Variants in PHF24 observed in about 807,000 individuals in gnomAD.
PHF24 encodes the protein Galpha inhibitory interacting protein.
Under a neutral mutation model 42.6 loss-of-function variants are expected in PHF24, and 25 were observed. That is an observed-to-expected ratio of 0.59 (90% CI 0.43 to 0.82). The LOEUF is 0.82. PHF24 is among the 40% of genes least tolerant of loss of function. The pLI is 0.00. For synonymous variants in PHF24, 185 were observed against 204.8 expected (o/e 0.90, Z 0.83); for missense variants, 470 against 538.1 (o/e 0.87, Z 1.25).
At chr9:34,671,036 C>T in the PHF24 span, among the ~76,000 whole-genome samples, 18 of 152,222 alleles carry the variant, frequency 1.2e-4, no homozygotes, top group Admixed American at 2.0e-4. Context: ...TCTCTCATCT[C>T]TGGACTCTAG....
the PHF24 span, among the ~76,000 whole-genome samples, chr9:34,743,011 C>G: frequency 6.6e-6 from 1 of 152,152 alleles, no homozygotes; most frequent in South Asian, 2.1e-4. Flanking sequence ...GCCTGCCAGT[C>G]TAAAATATTT....
chr9:34,848,977 A>C, the PHF24 span, among the ~76,000 whole-genome samples: 2 of 151,880 alleles, frequency 1.3e-5, no homozygotes, highest in Non-Finnish European at 2.9e-5. Flanking sequence ...AGTTTGTTAT[A>C]ATTTCTGTTC....
At chr9:34,747,225 G>C in the PHF24 span, among the ~76,000 whole-genome samples, 2 of 152,042 alleles carry the variant, frequency 1.3e-5, no homozygotes, top group African/African-American at 4.8e-5. Context: ...GACCAGCCTG[G>C]GCAACACAGC....
the PHF24 span, among the ~76,000 whole-genome samples, chr9:34,707,250 G>C: frequency 6.6e-6 from 1 of 152,194 alleles, no homozygotes; most frequent in Non-Finnish European, 1.5e-5. Flanking sequence ...TCTAGGACTT[G>C]AAGAGATATA....
chr9:34,729,487 G>A, the PHF24 span: 43 of 1,500,298 alleles, frequency 2.9e-5, no homozygotes, highest in Non-Finnish European at 6.3e-6. Flanking sequence ...CAGGGTTCTG[G>A]TGCCTAATGA....
the PHF24 span, among the ~76,000 whole-genome samples, chr9:34,941,558 G>A: frequency 1.9e-3 from 291 of 152,268 alleles, no homozygotes; most frequent in Middle Eastern, 3.4e-3. Context: ...AGTCTGTTCA[G>A]GCTGCTATAG....
the PHF24 span, among the ~76,000 whole-genome samples, chr9:34,865,045 G>C: frequency 6.6e-6 from 1 of 151,408 alleles, no homozygotes; most frequent in Non-Finnish European, 1.5e-5. Context: ...TGGGTGAAGT[G>C]GTGCACGCCT....
the PHF24 span, among the ~76,000 whole-genome samples, chr9:34,918,914 A>G: frequency 0.18 from 27,321 of 152,078 alleles, 2,879 homozygotes; most frequent in East Asian, 0.48. Flanking sequence ...TCAACTTCAG[A>G]ATCATTTTTG....
the PHF24 span, among the ~76,000 whole-genome samples, chr9:34,937,638 T>C: frequency 8.5e-6 from 1 of 117,704 alleles, no homozygotes. Context: ...CACCCAAGAA[T>C]GATCAATTTA....
chr9:34,846,562 T>A, the PHF24 span, among the ~76,000 whole-genome samples: 1 of 152,008 alleles, frequency 6.6e-6, no homozygotes, highest in Non-Finnish European at 1.5e-5. Flanking sequence ...CTGTTCACTC[T>A]GATGGTAGTT....
chr9:34,760,480 T>C, the PHF24 span, among the ~76,000 whole-genome samples: 1 of 152,218 alleles, frequency 6.6e-6, no homozygotes, highest in African/African-American at 2.4e-5. Flanking sequence ...GCAACACTTT[T>C]ACAGGTGAGC....
the PHF24 span, among the ~76,000 whole-genome samples, chr9:34,784,429 G>A: frequency 2.8e-4 from 42 of 152,272 alleles, no homozygotes; most frequent in Non-Finnish European, 4.9e-4. Flanking sequence ...TATCTTGTAA[G>A]GAGTGAAGGA....
At chr9:34,823,592 T>C in the PHF24 span, among the ~76,000 whole-genome samples, 1 of 152,040 alleles carries the variant, frequency 6.6e-6, no homozygotes, top group Admixed American at 6.5e-5. Context: ...CCTGGAGACG[T>C]TGGGGCCTCC....
chr9:34,728,130 G>A, the PHF24 span: 2 of 1,515,118 alleles, frequency 1.3e-6, no homozygotes, highest in Non-Finnish European at 1.8e-6. Flanking sequence ...AATTTCATAG[G>A]CATCCTATAG....
chr9:34,900,762 C>A, the PHF24 span, among the ~76,000 whole-genome samples: 1 of 152,150 alleles, frequency 6.6e-6, no homozygotes, highest in East Asian at 1.9e-4. Context: ...TGTTTTAGAT[C>A]ATGAGAACAG....
chr9:34,705,911 A>G, the PHF24 span, among the ~76,000 whole-genome samples: 1 of 152,214 alleles, frequency 6.6e-6, no homozygotes, highest in African/African-American at 2.4e-5. Context: ...TTTATTTTAA[A>G]AAAAAGTTAT....
At chr9:34,832,423 A>G in the PHF24 span, 1 of 1,307,358 alleles carries the variant, frequency 7.6e-7, no homozygotes, top group South Asian at 1.3e-5. Flanking sequence ...TTGTCTAGGG[A>G]CTGGGGACCA....
At chr9:34,755,974 C>G in the PHF24 span, among the ~76,000 whole-genome samples, 1 of 152,120 alleles carries the variant, frequency 6.6e-6, no homozygotes, top group Non-Finnish European at 1.5e-5. Context: ...GTTGCCTGTG[C>G]TTTTGAGGTC....
the PHF24 span, among the ~76,000 whole-genome samples, chr9:34,800,901 A>C: frequency 6.6e-6 from 1 of 152,150 alleles, no homozygotes; most frequent in African/African-American, 2.4e-5. Flanking sequence ...ATGGGAGAAA[A>C]TGTTTGCAAT....
Sources: gnomAD v4.1 joint callset for allele counts (sites outside exome capture counted in the v4.1 genomes callset) on GRCh38, gnomAD v4.1.1 for gene constraint, MANE v1.5 for transcripts, NCBI Gene and HGNC (gene_info 2026-07-23, HGNC 2026-07-21) for gene names.